MAPK4: variants seen among roughly 807,000 people sequenced by gnomAD.
MAPK4 encodes mitogen-activated protein kinase 4.
MAPK4 carries 22 observed loss-of-function variants against 47.7 expected under a neutral mutation model. The observed-to-expected ratio is 0.46, with a 90% CI of 0.33 to 0.66. MAPK4 has a LOEUF of 0.66. Among genes scored for constraint, MAPK4 ranks in the 30% least tolerant of loss-of-function variants. MAPK4 has a pLI of 0.02. For synonymous variants in MAPK4, 390 were observed against 365.7 expected, an observed-to-expected ratio of 1.07 and a Z score of -0.76; for missense variants, 736 against 831.7, an observed-to-expected ratio of 0.88 and a Z score of 1.42.
intron 2 of MAPK4, among the ~76,000 whole-genome samples, chr18:50,689,741 A>AG (rs201807455): frequency 0.015 from 2,234 of 152,284 alleles, 48 homozygotes; most frequent in African/African-American, 0.051. Context: ...ATTTTAAAAA[A>AG]GGGGGGCTGT....
chr18:50,600,292 A>G (rs2042523530), intron 1 of MAPK4, among the ~76,000 whole-genome samples: 1 of 152,134 alleles, frequency 6.6e-6, no homozygotes, highest in Non-Finnish European at 1.5e-5. Flanking sequence ...ATCCCAATTT[A>G]TTCAGGAACC....
intron 1 of MAPK4, among the ~76,000 whole-genome samples, chr18:50,643,313 G>A (rs1416742434): frequency 6.6e-6 from 1 of 152,228 alleles, no homozygotes; most frequent in Non-Finnish European, 1.5e-5. Context: ...AGGAGTTTGA[G>A]ACCAGCCTGG....
At chr18:50,681,353 CTCAAGT>C (rs1908575314) in intron 2 of MAPK4, among the ~76,000 whole-genome samples, 1 of 152,170 alleles carries the variant, frequency 6.6e-6, no homozygotes, top group Non-Finnish European at 1.5e-5. Context: ...AAATTTTCAA[CTCAAGT>C]TCTTTTGTGT....
intron 1 of MAPK4, among the ~76,000 whole-genome samples, chr18:50,609,541 G>A (rs999714146): frequency 2.6e-5 from 4 of 152,128 alleles, no homozygotes; most frequent in Admixed American, 2.0e-4. Context: ...TGTTTGTGAC[G>A]AGAATGCACT....
At chr18:50,628,480 C>T (rs568907851) in intron 1 of MAPK4, among the ~76,000 whole-genome samples, 9 of 152,212 alleles carry the variant, frequency 5.9e-5, no homozygotes, top group Non-Finnish European at 1.0e-4. Flanking sequence ...GTTAAGCACA[C>T]GCAACGCCTT....
At chr18:50,685,201 A>T (rs1044139241) in intron 2 of MAPK4, among the ~76,000 whole-genome samples, 7 of 152,146 alleles carry the variant, frequency 4.6e-5, no homozygotes, top group African/African-American at 1.7e-4. Flanking sequence ...TGAATTCCCC[A>T]CCTAGAAACT....
At chr18:50,707,569 CAAAAA>C (rs11419022) in intron 2 of MAPK4, among the ~76,000 whole-genome samples, 1 of 72,518 alleles carries the variant, frequency 1.4e-5, no homozygotes, top group Non-Finnish European at 2.5e-5. Context: ...GCCTCTGTCT[CAAAAA>C]AAAAAAAAAA....
At chr18:50,567,235 C>G (rs1236759587) in intron 1 of MAPK4, among the ~76,000 whole-genome samples, 2 of 152,262 alleles carry the variant, frequency 1.3e-5, no homozygotes, top group East Asian at 3.9e-4. Context: ...TGCTATCCCT[C>G]CCCTAACCCC....
At chr18:50,692,472 C>T (rs1169485376) in intron 2 of MAPK4, among the ~76,000 whole-genome samples, 1 of 152,136 alleles carries the variant, frequency 6.6e-6, no homozygotes, top group Non-Finnish European at 1.5e-5. Context: ...TGGTTCTGTT[C>T]CTTAAGAATT....
chr18:50,665,886 G>A (rs1235328297), intron 2 of MAPK4, among the ~76,000 whole-genome samples: 1 of 151,870 alleles, frequency 6.6e-6, no homozygotes, highest in African/African-American at 2.4e-5. Context: ...GGGGAGGCAG[G>A]GAGAAACAGT....
At chr18:50,564,218 G>A (rs188177158) in intron 1 of MAPK4, among the ~76,000 whole-genome samples, 7 of 152,298 alleles carry the variant, frequency 4.6e-5, no homozygotes, top group African/African-American at 1.7e-4. Context: ...AAGCTTTATC[G>A]TTTGCAGGGA....
chr18:50,651,307 G>T (rs573352662), intron 1 of MAPK4, among the ~76,000 whole-genome samples: 2 of 152,242 alleles, frequency 1.3e-5, no homozygotes, highest in South Asian at 4.1e-4. Context: ...TCCCTCCAGG[G>T]AGCTCTTCAC....
At chr18:50,641,477 G>A (rs2042940778) in intron 1 of MAPK4, among the ~76,000 whole-genome samples, 1 of 151,906 alleles carries the variant, frequency 6.6e-6, no homozygotes, top group Non-Finnish European at 1.5e-5. Context: ...TGTTCGATTT[G>A]AACTTCAAAA....
At chr18:50,721,430 A>G (rs1015289209) in intron 3 of MAPK4, among the ~76,000 whole-genome samples, 1 of 152,242 alleles carries the variant, frequency 6.6e-6, no homozygotes, top group Non-Finnish European at 1.5e-5. Context: ...CACAGAGGCC[A>G]TGTGCTCAAG....
chr18:50,700,352 AAAC>A (rs1318163671), intron 2 of MAPK4, among the ~76,000 whole-genome samples: 12 of 152,356 alleles, frequency 7.9e-5, no homozygotes, highest in Admixed American at 3.9e-4. Flanking sequence ...GAAGTAAATC[AAAC>A]AACAACAACA....
At chr18:50,577,240 G>T (rs1426303519) in intron 1 of MAPK4, among the ~76,000 whole-genome samples, 4 of 152,122 alleles carry the variant, frequency 2.6e-5, no homozygotes, top group African/African-American at 9.7e-5. Context: ...GAATCACCTG[G>T]AGAGTGTGTG....
chr18:50,595,812 T>A (rs993239389), intron 1 of MAPK4, among the ~76,000 whole-genome samples: 2 of 152,268 alleles, frequency 1.3e-5, no homozygotes, highest in African/African-American at 2.4e-5. Flanking sequence ...AGACTGAAAT[T>A]ACGTTAGCTG....
In MAPK4 at chr18:50,684,554, A is replaced by AT. The variant is rs1241062693; in HGVS notation, c.546+20050_546+20051insT. 2.6e-5 allele frequency among the ~76,000 whole-genome samples: 4 copies of AT among 151,822 alleles called. No individual in the cohort carries two copies. In the South Asian group the frequency reaches 6.3e-4, roughly 24 times the overall value. ...GAGCGAGCCCCTGACTCAAAAAAAA[A>AT]AAAAAGCTTTTATTCCCCTTCACTC... On this transcript the variant is annotated intron_variant, in intron 2 of 5. Coordinates refer to ENST00000400384, the MANE Select transcript of MAPK4 (RefSeq NM_002747.4).
At chr18:50,560,676 C>T (rs2042145340) in intron 1 of MAPK4, 1 of 152,508 alleles carries the variant, frequency 6.6e-6, no homozygotes, top group Admixed American at 6.5e-5. Context: ...CGATTATCCT[C>T]CCCTCCAGCC....
Sources: allele counts gnomAD v4.1 joint callset (sites outside exome capture counted in the v4.1 genomes callset), GRCh38; gene constraint gnomAD v4.1.1; transcripts MANE v1.5; gene names NCBI Gene and HGNC (gene_info 2026-07-23, HGNC 2026-07-21).